Variants in SLC30A8 observed in about 807,000 individuals in gnomAD.
The protein encoded by SLC30A8 is proton-coupled zinc antiporter SLC30A8.
In SLC30A8, 27 loss-of-function variants were observed where a neutral mutation model predicts 36.9. The observed-to-expected ratio is 0.73, with a 90% CI of 0.54 to 1.01. SLC30A8 has a LOEUF of 1.01. SLC30A8 is among the 50% of genes least tolerant of loss of function. SLC30A8 has a pLI of 0.00. For missense variants in SLC30A8, 439 were observed against 452.0 expected (o/e 0.97, Z 0.26); for synonymous variants, 164 against 172.4 (o/e 0.95, Z 0.38).
intron 1 of SLC30A8, among the ~76,000 whole-genome samples, chr8:116,976,822 C>CTT (rs763561636): frequency 3.7e-4 from 13 of 34,890 alleles, no homozygotes; most frequent in African/African-American, 8.5e-4. Flanking sequence ...TTCTTTCTTT[C>CTT]TTTTTTTTTT....
intron 1 of SLC30A8, among the ~76,000 whole-genome samples, chr8:117,003,774 A>G (rs990861640): frequency 1.3e-5 from 2 of 152,196 alleles, no homozygotes; most frequent in Admixed American, 1.3e-4. Flanking sequence ...AGGTTTCCCT[A>G]CTAATTTATT....
At chr8:117,099,166 A>G (rs2130852730) in intron 2 of SLC30A8, among the ~76,000 whole-genome samples, 1 of 152,262 alleles carries the variant, frequency 6.6e-6, no homozygotes, top group South Asian at 2.1e-4. Context: ...CAGCCAAACC[A>G]TTCTGTCTCT....
intron 2 of SLC30A8, among the ~76,000 whole-genome samples, chr8:117,101,672 A>G (rs1298138016): frequency 6.6e-6 from 1 of 152,150 alleles, no homozygotes; most frequent in Non-Finnish European, 1.5e-5. Flanking sequence ...ACCCACCCTC[A>G]ATCTAGGTGG....
At chr8:116,965,568 C>G (rs920259719) in intron 1 of SLC30A8, among the ~76,000 whole-genome samples, 4 of 152,198 alleles carry the variant, frequency 2.6e-5, no homozygotes, top group Non-Finnish European at 5.9e-5. Flanking sequence ...CCCTCAATCT[C>G]CTGTGTGGTG....
chr8:117,143,520 C>G (rs762674640), intron 1 of SLC30A8, among the ~76,000 whole-genome samples: 2 of 152,058 alleles, frequency 1.3e-5, no homozygotes, highest in Non-Finnish European at 2.9e-5. Context: ...TGATCAAGAG[C>G]CTGTTCTGCA....
intron 2 of SLC30A8, among the ~76,000 whole-genome samples, chr8:117,056,830 T>G (rs943174971): frequency 4.8e-4 from 73 of 152,296 alleles, no homozygotes; most frequent in African/African-American, 1.5e-3. Context: ...AGGTGGCCAC[T>G]CTTAGATGTT....
intron 6 of SLC30A8, among the ~76,000 whole-genome samples, chr8:117,169,556 A>G (rs1037570932): frequency 2.0e-5 from 3 of 152,136 alleles, no homozygotes; most frequent in African/African-American, 7.2e-5. Flanking sequence ...CAGTGTTATT[A>G]GGCTGTTCTC....
intron 1 of SLC30A8, among the ~76,000 whole-genome samples, chr8:117,012,330 C>A (rs1247377254): frequency 2.0e-5 from 3 of 151,816 alleles, no homozygotes; most frequent in Non-Finnish European, 2.9e-5. Context: ...TAGCTAATTA[C>A]AGTATTTTAG....
intron 1 of SLC30A8, among the ~76,000 whole-genome samples, chr8:117,137,985 A>G (rs1395065358): frequency 2.7e-5 from 4 of 147,986 alleles, no homozygotes; most frequent in Non-Finnish European, 5.9e-5. Context: ...GCCATGAACC[A>G]TATTTTTTTA....
intron 2 of SLC30A8, among the ~76,000 whole-genome samples, chr8:117,104,156 C>T (rs1258093787): frequency 1.3e-5 from 2 of 152,168 alleles, no homozygotes; most frequent in Non-Finnish European, 2.9e-5. Context: ...TCTTCTAGAA[C>T]TTGCTTTCTC....
intron 2 of SLC30A8, among the ~76,000 whole-genome samples, chr8:117,119,626 TTTAAG>T (rs940643174): frequency 6.6e-6 from 1 of 151,942 alleles, no homozygotes; most frequent in Non-Finnish European, 1.5e-5. Context: ...AATCATTAAG[TTTAAG>T]TTTTATTCTC....
intron 2 of SLC30A8, among the ~76,000 whole-genome samples, chr8:117,127,769 G>A (rs1239250287): frequency 6.6e-6 from 1 of 151,966 alleles, no homozygotes; most frequent in Non-Finnish European, 1.5e-5. Context: ...CTAATTTTTA[G>A]TGTTGATGCT....
chr8:117,106,183 A>G (rs1586526540), intron 2 of SLC30A8, among the ~76,000 whole-genome samples: 1 of 152,138 alleles, frequency 6.6e-6, no homozygotes, highest in Non-Finnish European at 1.5e-5. Flanking sequence ...AATCTGTACT[A>G]CTTAATAGTA....
At chr8:116,952,538 G>A (rs569011701) in intron 1 of SLC30A8, among the ~76,000 whole-genome samples, 1 of 152,022 alleles carries the variant, frequency 6.6e-6, no homozygotes, top group South Asian at 2.1e-4. Flanking sequence ...TCCGCCTTCC[G>A]GGTTCAAGCG....
At chr8:117,048,362 A>G (rs781335587) in intron 2 of SLC30A8, among the ~76,000 whole-genome samples, 5 of 152,236 alleles carry the variant, frequency 3.3e-5, no homozygotes, top group Non-Finnish European at 5.9e-5. Context: ...ACGAGCTGGC[A>G]GGTAGTGTAT....
intron 1 of SLC30A8, among the ~76,000 whole-genome samples, chr8:116,980,171 T>G (rs562622674): frequency 6.6e-6 from 1 of 152,318 alleles, no homozygotes; most frequent in East Asian, 1.9e-4. Flanking sequence ...TGCCTTAATT[T>G]TATCTTAACC....
In SLC30A8 at chr8:117,003,907, A is replaced by G. The variant is rs1219578484; in HGVS notation, c.-265-35312A>G. 1.3e-4 allele frequency among the ~76,000 whole-genome samples: 20 copies of G among 152,114 alleles called. 1 individual carries two copies. Among genetic ancestry groups the G allele is most frequent in the Non-Finnish European group, 1.5e-5 (1 of 68,010 alleles). On this transcript the variant is annotated intron_variant, in intron 1 of 10. Coordinates refer to the SLC30A8 transcript ENST00000427715. The stretch of plus-strand genomic sequence containing the variant: ...TCTACAAGTCTTTTCTCTCCTCCTT[A>G]ATTTTTGGTCCTGAAAAGAATGTTT...
At chr8:117,121,754 C>T (rs1820703864) in intron 2 of SLC30A8, among the ~76,000 whole-genome samples, 1 of 151,918 alleles carries the variant, frequency 6.6e-6, no homozygotes. Context: ...AGGACAAATA[C>T]TGCATGATTC....
At chr8:117,157,887 C>T (rs767518123) in intron 4 of SLC30A8, 43 bp downstream of exon 4, 1 of 1,603,704 alleles carries the variant, frequency 6.2e-7, no homozygotes, top group African/African-American at 1.3e-5. Flanking sequence ...ATGAGGCTCT[C>T]CTGTAACTAT....
Sources: gnomAD v4.1 joint callset for allele counts (sites outside exome capture counted in the v4.1 genomes callset) on GRCh38, gnomAD v4.1.1 for gene constraint, MANE v1.5 for transcripts, NCBI Gene and HGNC (gene_info 2026-07-23, HGNC 2026-07-21) for gene names.